Variants in COBLL1 observed in about 807,000 individuals in gnomAD.
COBLL1 encodes the protein cordon-bleu protein-like 1.
COBLL1 carries 50 observed loss-of-function variants against 94.8 expected under a neutral mutation model. The observed-to-expected ratio is 0.53, with a 90% confidence interval of 0.42 to 0.67. COBLL1 has a LOEUF of 0.67. Ranked by LOEUF, COBLL1 falls within the 30% of genes least tolerant of loss-of-function variation. The pLI is 0.00. For missense variants in COBLL1, 1,362 were observed against 1,348.7 expected (o/e 1.01, Z -0.15); for synonymous variants, 448 against 473.8 (o/e 0.95, Z 0.71).
chr2:164,688,578 T>C (rs1163473625), intron 13 of COBLL1, among the ~76,000 whole-genome samples: 1 of 152,280 alleles, frequency 6.6e-6, no homozygotes, highest in African/African-American at 2.4e-5. Context: ...GTTTAAAGCA[T>C]TTTTAGGAAT....
chr2:164,789,064 C>G (rs1205706076), intron 2 of COBLL1, among the ~76,000 whole-genome samples: 1 of 144,356 alleles, frequency 6.9e-6, no homozygotes, highest in Non-Finnish European at 1.5e-5. Flanking sequence ...CACACACACA[C>G]AGATGCAGTG....
chr2:164,718,715 T>C (rs1271524248), intron 7 of COBLL1, among the ~76,000 whole-genome samples: 1 of 152,070 alleles, frequency 6.6e-6, no homozygotes, highest in Non-Finnish European at 1.5e-5. Context: ...TCAGAGAAGG[T>C]AAAGATTATT....
chr2:164,799,073 A>C (rs1364134112), intron 2 of COBLL1, among the ~76,000 whole-genome samples: 1 of 151,548 alleles, frequency 6.6e-6, no homozygotes, highest in Non-Finnish European at 1.5e-5. Context: ...ACTCTACCTT[A>C]ACAGAATGCA....
At position 164,700,652 on chromosome 2, in the gene COBLL1, T is replaced by A; in HGVS notation, c.1330A>T (p.Ile444Phe). The change falls in exon 10 of 14, where the codon ATT (isoleucine) becomes TTT (phenylalanine). Residue 444 changes from isoleucine to phenylalanine, a missense_variant. Physicochemically the swap from Ile to Phe is conservative, Grantham distance 21 (BLOSUM62 0). Transcript: ENST00000652658. ...AENISPKSQD[I>F]PFVSTDIINT... ...ATTATATCAGTAGATACAAAAGGAA[T>A]ATCTTGTGACTTCGGAGAAATATTT... is the stretch of plus-strand genomic sequence containing the variant. 1 of 1,613,128 alleles carries A rather than the reference T, an allele frequency of 6.2e-7. No individual in the cohort carries two copies. Among genetic ancestry groups the A allele is most frequent in the Non-Finnish European group, 8.5e-7 (1 of 1,179,164 alleles).
At chr2:164,670,746 G>A (rs1266191469) in intron 1 of COBLL1, among the ~76,000 whole-genome samples, 1 of 152,174 alleles carries the variant, frequency 6.6e-6, no homozygotes, top group Admixed American at 6.5e-5. Flanking sequence ...CCTGCATGGT[G>A]ATCAGCAACA....
intron 3 of COBLL1, among the ~76,000 whole-genome samples, chr2:164,739,262 C>T (rs1006312595): frequency 6.6e-6 from 1 of 152,138 alleles, no homozygotes; most frequent in Admixed American, 6.5e-5. Context: ...TCTGTGACCA[C>T]CGCCAACCCC....
At position 164,694,675 on chromosome 2, in the gene COBLL1, C is replaced by T. The variant is rs990319203; in HGVS notation, c.2717G>A (p.Arg906Lys). 3.1e-6 allele frequency: 5 copies of T among 1,613,696 alleles called. No individual in the cohort carries two copies. In the Admixed American group the frequency reaches 5.0e-5, roughly 16 times the overall value. Residue 906 changes from arginine (R) to lysine (K), a missense_variant, in exon 12 of 14, where the codon AGG (arginine) becomes AAG (lysine). By Grantham distance (26) the Arg-to-Lys change is conservative. Transcript: ENST00000652658. ...CTGCTCCGGAGAAGGCAGCATATCC[C>T]TTTCTGCCTCTTTATTTGTCAGTTC... ...PKELTNKEAE[R>K]DMLPSPEQTL...
chr2:164,687,473 C>T, intron 13 of COBLL1: 1 of 1,446,554 alleles, frequency 6.9e-7, no homozygotes, highest in Admixed American at 1.7e-5. Flanking sequence ...CTGTGCAGGG[C>T]CTCAATCACA....
At chr2:164,732,634 G>A (rs943116215) in intron 3 of COBLL1, among the ~76,000 whole-genome samples, 6 of 152,202 alleles carry the variant, frequency 3.9e-5, no homozygotes, top group Non-Finnish European at 5.9e-5. Flanking sequence ...CATGCAGACT[G>A]TATTTCTTTC....
At chr2:164,671,901 A>G (rs1056949096) in intron 1 of COBLL1, among the ~76,000 whole-genome samples, 2 of 152,006 alleles carry the variant, frequency 1.3e-5, no homozygotes, top group African/African-American at 4.8e-5. Context: ...TGGTTGGTTT[A>G]GTGTGGTTGT....
intron 2 of COBLL1, among the ~76,000 whole-genome samples, chr2:164,797,374 T>C (rs1377659851): frequency 6.6e-6 from 1 of 152,238 alleles, no homozygotes; most frequent in Admixed American, 6.5e-5. Flanking sequence ...CTATTTCTTA[T>C]GCCATTATAT....
chr2:164,761,740 C>G (rs527767191), intron 2 of COBLL1, among the ~76,000 whole-genome samples: 3 of 152,132 alleles, frequency 2.0e-5, no homozygotes, highest in Non-Finnish European at 4.4e-5. Context: ...AAAAGATCAA[C>G]CTAAATATTA....
intron 7 of COBLL1, among the ~76,000 whole-genome samples, chr2:164,712,206 A>C (rs1439713280): frequency 3.3e-5 from 5 of 152,182 alleles, no homozygotes; most frequent in African/African-American, 1.2e-4. Context: ...AATTATAAAA[A>C]GTGGGTCATT....
intron 2 of COBLL1, among the ~76,000 whole-genome samples, chr2:164,811,707 A>C (rs540740125): frequency 6.6e-6 from 1 of 151,948 alleles, no homozygotes; most frequent in Non-Finnish European, 1.5e-5. Flanking sequence ...ACAAGACATA[A>C]CTGAAAAAAT....
In COBLL1 at chr2:164,782,018, T is replaced by TA. The variant is rs556010027; in HGVS notation, c.42-38144dup. Among the ~76,000 whole-genome samples, 131 of 149,744 alleles carry TA rather than the reference T, an allele frequency of 8.7e-4. 1 individual carries two copies. The highest frequency in any genetic ancestry group is 8.0e-4 in the Admixed American group (12 of 15,018). ...TTAGCCTCAGAGAAGGCTATCCAGT[T>TA]AAAAAAAAAATGGAACTTTTACCCT... On this transcript the variant is annotated intron_variant, in intron 2 of 13. Coordinates refer to ENST00000652658, the MANE Select transcript of COBLL1 (RefSeq NM_001365672.2).
chr2:164,701,237 TA>T (rs1453310688), intron 9 of COBLL1, among the ~76,000 whole-genome samples: 1 of 152,150 alleles, frequency 6.6e-6, no homozygotes, highest in Non-Finnish European at 1.5e-5. Context: ...GAGCCCCCTT[TA>T]AAAATATTGA....
chr2:164,820,593 T>C (rs1196764324), intron 2 of COBLL1, among the ~76,000 whole-genome samples: 2 of 152,184 alleles, frequency 1.3e-5, no homozygotes, highest in African/African-American at 4.8e-5. Flanking sequence ...AATTATCTAG[T>C]TCTCTGAAAT....
At chr2:164,820,789 C>T (rs1450727111) in intron 2 of COBLL1, among the ~76,000 whole-genome samples, 1 of 152,146 alleles carries the variant, frequency 6.6e-6, no homozygotes, top group Non-Finnish European at 1.5e-5. Context: ...CAGTGGTAAC[C>T]TGGTTAGGAT....
At chr2:164,777,467 T>C (rs1221592272) in intron 2 of COBLL1, among the ~76,000 whole-genome samples, 1 of 152,124 alleles carries the variant, frequency 6.6e-6, no homozygotes, top group African/African-American at 2.4e-5. Context: ...AAGCGTCTCC[T>C]GAAACGTTTT....
Sources: gnomAD v4.1 joint callset for allele counts (sites outside exome capture counted in the v4.1 genomes callset) on GRCh38, gnomAD v4.1.1 for gene constraint, MANE v1.5 for transcripts, NCBI Gene and HGNC (gene_info 2026-07-23, HGNC 2026-07-21) for gene names.